The following PLA2G2C variants were observed in gnomAD, a reference collection of about 807,000 sequenced individuals.
PLA2G2C encodes phospholipase A2 group IIC, also known as putative inactive group IIC secretory phospholipase A2.
PLA2G2C carries 15 observed loss-of-function variants against 14.3 expected under a neutral mutation model. The observed-to-expected ratio is 1.05, with a 90% confidence interval of 0.70 to 1.62. The LOEUF is 1.62. Ranked by LOEUF, PLA2G2C falls within the 40% of genes most tolerant of loss-of-function variation. The pLI, the probability that PLA2G2C is intolerant of heterozygous loss-of-function variation, is 0.00. For missense variants in PLA2G2C, 162 were observed against 173.2 expected (o/e 0.94, Z 0.36); for synonymous variants, 79 against 67.7 (o/e 1.17, Z -0.82).
intron 3 of PLA2G2C, among the ~76,000 whole-genome samples, chr1:20,173,527 G>A (rs944504965): frequency 1.3e-5 from 2 of 152,122 alleles, no homozygotes; most frequent in African/African-American, 4.8e-5. Flanking sequence ...ACAAACCTAG[G>A]CCCATTCATT....
At chr1:20,171,152 GAA>G (rs1233954311) in intron 4 of PLA2G2C, among the ~76,000 whole-genome samples, 1 of 105,392 alleles carries the variant, frequency 9.5e-6, no homozygotes, top group African/African-American at 3.9e-5. Context: ...GAGGCCATGG[GAA>G]ACTCGATCCC....
At chr1:20,174,975 A>G in intron 3 of PLA2G2C, 32 bp downstream of exon 3, 2 of 1,575,238 alleles carry the variant, frequency 1.3e-6, no homozygotes, top group Non-Finnish European at 1.7e-6. Flanking sequence ...TGCAAAACAA[A>G]TGATAAGTGG....
At chr1:20,170,520 G>A (rs966811000) in intron 4 of PLA2G2C, among the ~76,000 whole-genome samples, 4 of 152,124 alleles carry the variant, frequency 2.6e-5, no homozygotes, top group Admixed American at 6.5e-5. Context: ...GTGGATGCTC[G>A]CTCAATACTG....
chr1:20,179,265 CCTCT>C (rs1325625826), intron 1 of PLA2G2C, among the ~76,000 whole-genome samples: 2 of 147,834 alleles, frequency 1.4e-5, no homozygotes, highest in Non-Finnish European at 1.5e-5. Flanking sequence ...TCAGCTTCTC[CCTCT>C]ATGTCAGTTT....
At chr1:20,181,570 A>C (rs1271683567) in intron 1 of PLA2G2C, among the ~76,000 whole-genome samples, 1 of 151,894 alleles carries the variant, frequency 6.6e-6, no homozygotes, top group Non-Finnish European at 1.5e-5. Context: ...CGAGAAGGCA[A>C]AACCCAAAAC....
chr1:20,166,536 C>T (rs926769422), intron 4 of PLA2G2C, among the ~76,000 whole-genome samples: 1 of 152,224 alleles, frequency 6.6e-6, no homozygotes, highest in African/African-American at 2.4e-5. Flanking sequence ...GCCAGCCTCA[C>T]TGTCCAACTA....
chr1:20,180,940 G>GA (rs1268411013), intron 1 of PLA2G2C, among the ~76,000 whole-genome samples: 1 of 152,204 alleles, frequency 6.6e-6, no homozygotes, highest in Non-Finnish European at 1.5e-5. Context: ...TCCCCATAGA[G>GA]AAAATAAGAT....
chr1:20,178,749 C>A (rs2018230034), intron 1 of PLA2G2C, among the ~76,000 whole-genome samples: 1 of 152,212 alleles, frequency 6.6e-6, no homozygotes, highest in Non-Finnish European at 1.5e-5. Flanking sequence ...GTCATGAAAT[C>A]CGATAGACTC....
chr1:20,176,649 A>G (rs939966514), intron 2 of PLA2G2C, among the ~76,000 whole-genome samples: 4 of 152,352 alleles, frequency 2.6e-5, no homozygotes, highest in African/African-American at 7.2e-5. Flanking sequence ...ATCACCTTGC[A>G]AAGTGTAAAT....
At chr1:20,176,385 T>G (rs969323629) in intron 2 of PLA2G2C, among the ~76,000 whole-genome samples, 3 of 152,210 alleles carry the variant, frequency 2.0e-5, no homozygotes, top group African/African-American at 7.2e-5. Flanking sequence ...TACTCATTTA[T>G]TTTACTTTTT....
intron 4 of PLA2G2C, among the ~76,000 whole-genome samples, chr1:20,169,395 G>A (rs2018033053): frequency 6.6e-6 from 1 of 152,122 alleles, no homozygotes; most frequent in African/African-American, 2.4e-5. Flanking sequence ...GCCCAGGCTG[G>A]TCTCGAACTC....
rs371946948 is a variant in PLA2G2C, at chr1:20,164,075, G to C, written c.366C>G (p.Phe122Leu). 3.2e-5 allele frequency: 52 copies of C among 1,613,826 alleles called. No homozygotes were observed. The highest frequency in any genetic ancestry group is 4.3e-5 in the Non-Finnish European group (51 of 1,179,864). Residue 122 changes from phenylalanine (F) to leucine (L), a missense_variant, in exon 5 of 5, where the codon TTC becomes TTG. Transcript: ENST00000679259. ...CECDKQSVHCFKESLPTYEKN... is the reference protein window; with the variant it reads ...CECDKQSVHCLKESLPTYEKN... ...TCTCATAGGTGGGCAGGCTCTCTTT[G>C]AAGCAGTGCACGGATTGCTTGTCAC...
chr1:20,186,230 C>T (rs1004613216), intron 1 of PLA2G2C, 130 bp downstream of exon 1: 86 of 152,452 alleles, frequency 5.6e-4, no homozygotes, highest in African/African-American at 1.9e-3. Flanking sequence ...AGGCCAGTCC[C>T]CGAGACCCCA....
At position 20,172,916 on chromosome 1, in the gene PLA2G2C, G is replaced by A. The variant is rs748178854; in HGVS notation, c.180-19C>T. On this transcript the variant is annotated intron_variant, in intron 3 of 4. Transcript: ENST00000679259. ...GCTGTGCCTGGAAGTGGGTCCCTCA[G>A]GAATCTGCTGGAGGACCTTATCTGG... 1.1e-5 allele frequency: 17 copies of A among 1,589,582 alleles called. No individual in the cohort carries two copies. Among genetic ancestry groups the A allele is most frequent in the Middle Eastern group, 1.7e-4 (1 of 5,956 alleles).
chr1:20,164,021 G>A lies in PLA2G2C; in HGVS notation c.420C>T (p.Pro140=). ...ACCAGGGCTTATGTCTGCCACACCT[G>A]GGCTGGCTGGAGAACTGCTTGAAGT... ...EKNFKQFSSQ[P]RCGRHKPWC The change falls in exon 5 of 5, where the codon CCC becomes CCT. Residue 140 remains proline, a synonymous_variant. Coordinates refer to ENST00000679259, the MANE Select transcript of PLA2G2C (RefSeq NM_001367969.2). The A allele has an allele frequency of 6.2e-7, 1 of 1,613,382 alleles. No individual in the cohort carries two copies. Among genetic ancestry groups the A allele is most frequent in the Non-Finnish European group, 8.5e-7 (1 of 1,179,674 alleles).
At chr1:20,174,408 G>A (rs1224165542) in intron 3 of PLA2G2C, among the ~76,000 whole-genome samples, 1 of 152,126 alleles carries the variant, frequency 6.6e-6, no homozygotes, top group Non-Finnish European at 1.5e-5. Flanking sequence ...ATCCTTTGGA[G>A]TAGGCCTGAA....
At chr1:20,177,044 G>C (rs2018197504) in intron 2 of PLA2G2C, among the ~76,000 whole-genome samples, 1 of 152,204 alleles carries the variant, frequency 6.6e-6, no homozygotes, top group Non-Finnish European at 1.5e-5. Flanking sequence ...AAAGACTCTT[G>C]AGGGTGAGGG....
chr1:20,172,549 T>C (rs2018104734), intron 4 of PLA2G2C, among the ~76,000 whole-genome samples: 1 of 152,152 alleles, frequency 6.6e-6, no homozygotes, highest in Admixed American at 6.5e-5. Flanking sequence ...ACTGAGCATG[T>C]ACTATCTGCC....
intron 4 of PLA2G2C, among the ~76,000 whole-genome samples, chr1:20,170,127 C>T (rs1444262701): frequency 6.6e-6 from 1 of 152,234 alleles, no homozygotes; most frequent in Non-Finnish European, 1.5e-5. Context: ...ATGCTCACCT[C>T]AGTGGTTTAT....
Sources: allele counts gnomAD v4.1 joint callset (sites outside exome capture counted in the v4.1 genomes callset), GRCh38; gene constraint gnomAD v4.1.1; transcripts MANE v1.5; gene names NCBI Gene and HGNC (gene_info 2026-07-23, HGNC 2026-07-21).